MN1: variants seen among roughly 807,000 people sequenced by gnomAD.
MN1 encodes the protein MN1 proto-oncogene, transcriptional regulator, also known as transcriptional activator MN1.
MN1 carries 19 observed loss-of-function variants against 86.9 expected under a neutral mutation model. The observed-to-expected ratio is 0.22, with a 90% CI of 0.15 to 0.32. MN1 has a LOEUF of 0.32. MN1 is among the 10% of genes least tolerant of loss of function. The probability of loss-of-function intolerance (pLI) is 1.00; values close to 1 mark genes in which losing one functional copy is unlikely to be tolerated. For missense variants in MN1, 1,841 were observed against 1,862.0 expected, an observed-to-expected ratio of 0.99 and a Z score of 0.21; for synonymous variants, 928 against 849.6, an observed-to-expected ratio of 1.09 and a Z score of -1.60.
intron 1 of MN1, among the ~76,000 whole-genome samples, chr22:27,773,885 A>G (rs1168207824): frequency 6.6e-6 from 1 of 152,060 alleles, no homozygotes; most frequent in African/African-American, 2.4e-5. Flanking sequence ...AAACTCCTGA[A>G]CTCAGGTGAT....
At chr22:27,789,610 T>A (rs1246502829) in intron 1 of MN1, among the ~76,000 whole-genome samples, 1 of 152,192 alleles carries the variant, frequency 6.6e-6, no homozygotes, top group Non-Finnish European at 1.5e-5. Flanking sequence ...TATATGGGGA[T>A]GTTTATTGGG....
At chr22:27,755,359 A>G (rs970299743) in intron 1 of MN1, among the ~76,000 whole-genome samples, 2 of 152,174 alleles carry the variant, frequency 1.3e-5, no homozygotes, top group Non-Finnish European at 2.9e-5. Context: ...CTCAAAACAG[A>G]TAACCCTGTG....
At chr22:27,764,021 C>G (rs1932852444) in intron 1 of MN1, among the ~76,000 whole-genome samples, 1 of 152,028 alleles carries the variant, frequency 6.6e-6, no homozygotes, top group East Asian at 1.9e-4. Flanking sequence ...GCCCAGGGAC[C>G]CTGATTTAGG....
intron 1 of MN1, among the ~76,000 whole-genome samples, chr22:27,794,718 A>AC (rs953927368): frequency 1.3e-5 from 2 of 152,156 alleles, no homozygotes; most frequent in Non-Finnish European, 2.9e-5. Flanking sequence ...CATTAAAATG[A>AC]CCCTATACCT....
In MN1 at chr22:27,796,925, C is replaced by A. The variant is rs771594934; in HGVS notation, c.3619G>T (p.Val1207Phe). 1.2e-6 allele frequency: 2 copies of A among 1,612,814 alleles called. No homozygotes were observed. Among genetic ancestry groups the A allele is most frequent in the Non-Finnish European group, 1.7e-6 (2 of 1,179,946 alleles). The change falls in exon 1 of 2, where the codon GTC becomes TTC. Residue 1207 changes from valine to phenylalanine, a missense_variant. Transcript: ENST00000302326. ...SELGSCCSEA[V>F]KSAMSTIDLD... is the part of the protein sequence containing the mutation. The stretch of plus-strand genomic sequence containing the variant: ...TCAATGGTGCTCATGGCGCTCTTGA[C>A]CGCCTCGGAGCAGCAGCTGCCCAGC...
chr22:27,782,076 A>G (rs1309322155), intron 1 of MN1, among the ~76,000 whole-genome samples: 2 of 152,138 alleles, frequency 1.3e-5, no homozygotes, highest in East Asian at 1.9e-4. Context: ...TTACTCACAC[A>G]TATCAGGGAA....
At chr22:27,794,813 TG>T (rs111772299) in intron 1 of MN1, among the ~76,000 whole-genome samples, 59,981 of 127,382 alleles carry the variant, frequency 0.47, 13,722 homozygotes, top group East Asian at 0.66. Flanking sequence ...AAATCAGGGT[TG>T]TTGTTTTTTT....
chr22:27,794,860 T>C (rs1215348553), intron 1 of MN1, among the ~76,000 whole-genome samples: 2 of 147,648 alleles, frequency 1.4e-5, no homozygotes. Flanking sequence ...TTGGCCAATA[T>C]GTTCTTAATT....
intron 1 of MN1, among the ~76,000 whole-genome samples, chr22:27,779,918 C>T (rs1191563695): frequency 6.6e-6 from 1 of 152,072 alleles, no homozygotes; most frequent in Non-Finnish European, 1.5e-5. Context: ...TTGTGGCCTG[C>T]CCAGCTCAGG....
In MN1 at chr22:27,750,720, T is replaced by C; in HGVS notation, c.*195A>G. ...TTCTTTTTTAAAAAAACTTTTGAGGTTCCCCCCCTTTAAATTAACCCTTTC... is the reference window on the plus strand; with the variant it reads ...TTCTTTTTTAAAAAAACTTTTGAGGCTCCCCCCCTTTAAATTAACCCTTTC... On this transcript the variant is annotated 3_prime_UTR_variant, in exon 2 of 2. Coordinates refer to ENST00000302326, the MANE Select transcript of MN1 (RefSeq NM_002430.3). The C allele has an allele frequency of 2.3e-6, 1 of 442,610 alleles. No homozygotes were observed. The highest frequency in any genetic ancestry group is 3.9e-6 in the Non-Finnish European group (1 of 254,530). The allele number at this position is 442,610 out of a possible 1,614,324, so 27.4% of individuals were successfully genotyped here.
At chr22:27,777,791 G>T (rs571694694) in intron 1 of MN1, among the ~76,000 whole-genome samples, 2 of 151,508 alleles carry the variant, frequency 1.3e-5, no homozygotes, top group Non-Finnish European at 2.9e-5. Flanking sequence ...CAAGAGAACC[G>T]CTTGAACCCA....
intron 1 of MN1, among the ~76,000 whole-genome samples, chr22:27,792,594 A>C (rs762417178): frequency 6.6e-6 from 1 of 152,132 alleles, no homozygotes; most frequent in Non-Finnish European, 1.5e-5. Flanking sequence ...AATATTAAAC[A>C]AGCACCAAAG....
At chr22:27,792,317 C>CATATATAT (rs36207111) in intron 1 of MN1, among the ~76,000 whole-genome samples, 2,650 of 113,696 alleles carry the variant, frequency 0.023, 46 homozygotes, top group Non-Finnish European at 0.031. Flanking sequence ...ATAAAAATTG[C>CATATATAT]ATATATATAT....
At position 27,799,249 on chromosome 22, in the gene MN1, G is replaced by T. The variant is rs774620804; in HGVS notation, c.1295C>A (p.Pro432His). ...YSEPVFSMQH[P>H]PPQQAPNQRL... The stretch of plus-strand genomic sequence containing the variant: ...CTGGTTGGGCGCCTGCTGCGGAGGA[G>T]GATGCTGCATGCTGAAAACAGGCTC... Residue 432 changes from proline (P) to histidine (H), a missense_variant, in exon 1 of 2, where the codon CCT becomes CAT. Pro to His is a moderately conservative substitution (Grantham distance 77). Transcript: ENST00000302326. 2 of 1,587,598 alleles carry T rather than the reference G, an allele frequency of 1.3e-6. No individual in the cohort carries two copies. The highest frequency in any genetic ancestry group is 8.6e-7 in the Non-Finnish European group (1 of 1,164,872).
chr22:27,793,297 C>T (rs1457306146), intron 1 of MN1, among the ~76,000 whole-genome samples: 5 of 150,514 alleles, frequency 3.3e-5, no homozygotes, highest in Non-Finnish European at 5.9e-5. Context: ...TATCTCTCCT[C>T]TCTGTGTTGA....
At chr22:27,791,156 TG>T (rs1388361277) in intron 1 of MN1, among the ~76,000 whole-genome samples, 1 of 152,026 alleles carries the variant, frequency 6.6e-6, no homozygotes, top group Non-Finnish European at 1.5e-5. Flanking sequence ...CTGAACTGCA[TG>T]GGGCCCTGCT....
At chr22:27,753,243 G>A (rs891935606) in intron 1 of MN1, among the ~76,000 whole-genome samples, 6 of 152,210 alleles carry the variant, frequency 3.9e-5, no homozygotes, top group Non-Finnish European at 5.9e-5. Context: ...GAATAGGACA[G>A]ACACTATCCC....
intron 1 of MN1, among the ~76,000 whole-genome samples, chr22:27,787,852 C>G (rs887361990): frequency 5.3e-5 from 8 of 152,210 alleles, no homozygotes; most frequent in African/African-American, 1.9e-4. Context: ...TCCCCTTGAG[C>G]CTGCCTCGGC....
rs1601348229 is a variant in MN1, at chr22:27,801,162, G to A, written c.-619C>T. 4.5e-6 allele frequency: 1 copy of A among 221,880 alleles called. No individual in the cohort carries two copies. The highest frequency in any genetic ancestry group is 6.4e-5 in the East Asian group (1 of 15,602). 13.7% of individuals were successfully genotyped at this position (221,880 alleles called of 1,614,324 possible). The stretch of plus-strand genomic sequence containing the variant: ...CGCTCGCACAATCCCCGTAGGCTCC[G>A]GGCGAGCGGCTGCTGCTTCTTCAGC... On this transcript the variant is annotated 5_prime_UTR_variant, in exon 1 of 2. Coordinates refer to ENST00000302326, the MANE Select transcript of MN1 (RefSeq NM_002430.3).
Sources: allele counts gnomAD v4.1 joint callset (sites outside exome capture counted in the v4.1 genomes callset), GRCh38; gene constraint gnomAD v4.1.1; transcripts MANE v1.5; gene names NCBI Gene and HGNC (gene_info 2026-07-23, HGNC 2026-07-21).